Variants in SCGB2B2 observed in about 807,000 individuals in gnomAD.
SCGB2B2 encodes the protein secretoglobin family 2B member 2, also known as secretoglobin-like protein.
SCGB2B2 carries 11 observed loss-of-function variants against 7.6 expected under a neutral mutation model. That is an observed-to-expected ratio of 1.45 (90% CI 0.91 to 2.40). The LOEUF is 2.40. Ranked by LOEUF, SCGB2B2 falls within the 30% of genes most tolerant of loss-of-function variation. The pLI is 0.00. For synonymous variants in SCGB2B2, 50 were observed against 48.6 expected (o/e 1.03, Z -0.12); for missense variants, 104 against 115.4 (o/e 0.90, Z 0.45).
chr19:34,608,062 A>C (rs1340198860), intron 1 of SCGB2B2, among the ~76,000 whole-genome samples: 1 of 152,118 alleles, frequency 6.6e-6, no homozygotes, highest in Non-Finnish European at 1.5e-5. Flanking sequence ...GGTATTATGA[A>C]TATTTCAATA....
At chr19:34,630,369 C>T (rs1260828288) in intron 1 of SCGB2B2, among the ~76,000 whole-genome samples, 12 of 151,858 alleles carry the variant, frequency 7.9e-5, no homozygotes, top group Admixed American at 7.9e-4. Flanking sequence ...ACTCATCTGA[C>T]AAAGGGCTAA....
intron 1 of SCGB2B2, among the ~76,000 whole-genome samples, chr19:34,598,908 T>C (rs922575929): frequency 6.6e-6 from 1 of 152,208 alleles, no homozygotes; most frequent in African/African-American, 2.4e-5. Flanking sequence ...CGTGGCCACA[T>C]TGGCTCCCAC....
At position 34,626,012 on chromosome 19, in the gene SCGB2B2, C is replaced by A. The variant is rs2066366136; in HGVS notation, c.-2031-29418G>T. ...CTGCTGATACCCAGGCAAACAGGGT[C>A]TGGAGTGGACCTCCAGCAAACTCCA... On this transcript the variant is annotated intron_variant, in intron 1 of 3. Coordinates refer to ENST00000601241, the MANE Select transcript of SCGB2B2 (RefSeq NM_001025591.4). 2.0e-5 allele frequency among the ~76,000 whole-genome samples: 3 copies of A among 152,232 alleles called. No individual in the cohort carries two copies. In the South Asian group the frequency reaches 6.2e-4, roughly 31 times the overall value.
intron 1 of SCGB2B2, among the ~76,000 whole-genome samples, chr19:34,606,728 A>G (rs2065790572): frequency 6.6e-6 from 1 of 152,064 alleles, no homozygotes; most frequent in Non-Finnish European, 1.5e-5. Flanking sequence ...GTATATTGGT[A>G]TAATTGTCCT....
At chr19:34,631,179 G>A (rs9749489) in intron 1 of SCGB2B2, among the ~76,000 whole-genome samples, 5,306 of 151,976 alleles carry the variant, frequency 0.035, 327 homozygotes, top group African/African-American at 0.12. Flanking sequence ...ACGAGTTAAC[G>A]GGTGCAGCAC....
chr19:34,649,374 T>A (rs1405208967), intron 1 of SCGB2B2, among the ~76,000 whole-genome samples: 1 of 152,128 alleles, frequency 6.6e-6, no homozygotes, highest in Non-Finnish European at 1.5e-5. Context: ...AGGCTCTGGG[T>A]TCTGGGTTTG....
chr19:34,590,791 G>C lies in SCGB2B2; in HGVS notation c.*2764C>G, dbSNP rs1329064631. Among the ~76,000 whole-genome samples, 1 of 152,160 alleles carries C rather than the reference G, an allele frequency of 6.6e-6. No homozygotes were observed. Among genetic ancestry groups the C allele is most frequent in the Non-Finnish European group, 1.5e-5 (1 of 68,026 alleles). On this transcript the variant is annotated 3_prime_UTR_variant, in exon 4 of 4. Transcript: ENST00000601241. Reference sequence around the variant, plus strand: ...CATTTTAAGAAATTACTCAATTTCAGGACAACTGACAGATCATGGGTAGAC... The same window carrying C: ...CATTTTAAGAAATTACTCAATTTCACGACAACTGACAGATCATGGGTAGAC...
chr19:34,669,452 G>A (rs1045114911), intron 1 of SCGB2B2, among the ~76,000 whole-genome samples: 28 of 152,180 alleles, frequency 1.8e-4, no homozygotes, highest in African/African-American at 6.3e-4. Flanking sequence ...GTGCTAGGGC[G>A]TGCCAAGTGC....
intron 1 of SCGB2B2, among the ~76,000 whole-genome samples, chr19:34,629,055 A>C (rs1488421181): frequency 6.6e-6 from 1 of 151,892 alleles, no homozygotes; most frequent in Non-Finnish European, 1.5e-5. Flanking sequence ...AAAGGCCTTC[A>C]ACAAAATTCA....
rs539279003 is a variant in SCGB2B2, at chr19:34,665,065, T to C, written c.-2032+10565A>G. On this transcript the variant is annotated intron_variant, in intron 1 of 3. Transcript: ENST00000601241. ...GCAGCACGGGATGCCTTTCTGACCCTGGACCTGCCCTGGGCCCTGCTCTCT... is the reference window on the plus strand; with the variant it reads ...GCAGCACGGGATGCCTTTCTGACCCCGGACCTGCCCTGGGCCCTGCTCTCT... Among the ~76,000 whole-genome samples the C allele has an allele frequency of 9.8e-5, 15 of 152,320 alleles. No individual in the cohort carries two copies. The East Asian group carries it at 2.9e-3, about 29-fold the overall frequency.
chr19:34,664,394 G>T (rs1431810410), intron 1 of SCGB2B2, among the ~76,000 whole-genome samples: 2 of 152,204 alleles, frequency 1.3e-5, no homozygotes, highest in Non-Finnish European at 2.9e-5. Flanking sequence ...GGGGTTAGAG[G>T]CAGGGGATTA....
intron 1 of SCGB2B2, among the ~76,000 whole-genome samples, chr19:34,625,295 C>T (rs28522422): frequency 0.095 from 14,505 of 152,124 alleles, 815 homozygotes; most frequent in South Asian, 0.19. Context: ...TGCAGCGCAC[C>T]GAGTGTGAGA....
rs979846881 is a variant in SCGB2B2 at position 34,590,735 on chromosome 19, T to C, written c.*2820A>G. Among the ~76,000 whole-genome samples the C allele has an allele frequency of 1.3e-4, 15 of 119,070 alleles. No homozygotes were observed. The highest frequency in any genetic ancestry group is 1.1e-3 in the Admixed American group (12 of 11,068). 78.1% of individuals were successfully genotyped at this position (119,070 alleles called of 152,430 possible). A position where few individuals can be genotyped will look rare whatever the true frequency, so the allele number is the denominator to read the frequency against. ...ATTAAGAATAACAGAGTCGTAAGCA[T>C]TTTAGTTAAAGTAAACTCACAGGAC... On this transcript the variant is annotated 3_prime_UTR_variant, in exon 4 of 4. Transcript: ENST00000601241.
chr19:34,643,771 A>G (rs1018661348), intron 1 of SCGB2B2, among the ~76,000 whole-genome samples: 1 of 152,146 alleles, frequency 6.6e-6, no homozygotes, highest in South Asian at 2.1e-4. Context: ...TTTCTGTTCA[A>G]TGAGGATAGT....
intron 1 of SCGB2B2, among the ~76,000 whole-genome samples, chr19:34,618,496 G>A (rs933474841): frequency 5.3e-5 from 8 of 152,068 alleles, no homozygotes; most frequent in Non-Finnish European, 7.4e-5. Flanking sequence ...TCTCATACCC[G>A]CAGACTTTCC....
intron 1 of SCGB2B2, among the ~76,000 whole-genome samples, chr19:34,669,714 T>TACACACACACACACACACACACACAC (rs1555750462): frequency 0.2 from 27,513 of 139,218 alleles, 3,243 homozygotes; most frequent in Admixed American, 0.24. Context: ...TGCCCCCACT[T>TACACACACACACACACACACACACAC]ACACACACAC....
chr19:34,662,139 C>CA lies in SCGB2B2; in HGVS notation c.-2032+13490dup, dbSNP rs935645912. On this transcript the variant is annotated intron_variant, in intron 1 of 3. Coordinates refer to ENST00000601241, the MANE Select transcript of SCGB2B2 (RefSeq NM_001025591.4). The stretch of plus-strand genomic sequence containing the variant: ...TCGTAATCCACCTGCCTTGGCCTCC[C>CA]AAAGTGCTGGGATTACAGGTGTGAG... 3.3e-5 allele frequency among the ~76,000 whole-genome samples: 5 copies of CA among 152,248 alleles called. No homozygotes were observed. In the East Asian group the frequency reaches 9.6e-4, roughly 29 times the overall value.
chr19:34,604,629 T>G (rs1308473586), intron 1 of SCGB2B2, among the ~76,000 whole-genome samples: 2 of 152,260 alleles, frequency 1.3e-5, no homozygotes, highest in Admixed American at 6.5e-5. Flanking sequence ...GAAGAGTTTG[T>G]AATCTTTTAT....
At chr19:34,645,968 A>G (rs1306216681) in intron 1 of SCGB2B2, 5 of 311,946 alleles carry the variant, frequency 1.6e-5, no homozygotes, top group Non-Finnish European at 2.5e-5. Flanking sequence ...AGCTTGCTCA[A>G]TACAACCCCA....
Sources: gnomAD v4.1 joint callset for allele counts (sites outside exome capture counted in the v4.1 genomes callset) on GRCh38, gnomAD v4.1.1 for gene constraint, MANE v1.5 for transcripts, NCBI Gene and HGNC (gene_info 2026-07-23, HGNC 2026-07-21) for gene names.